Variants in ASXL3 observed in about 807,000 individuals in gnomAD.
The protein encoded by ASXL3 is putative Polycomb group protein ASXL3.
A neutral mutation model predicts 170.6 loss-of-function variants in ASXL3; 34 were observed. The observed-to-expected ratio is 0.20, with a 90% CI of 0.15 to 0.27. ASXL3 has a LOEUF of 0.27. Ranked by LOEUF, ASXL3 falls within the 10% of genes least tolerant of loss-of-function variation. The probability of loss-of-function intolerance (pLI) is 1.00; values close to 1 mark genes in which losing one functional copy is unlikely to be tolerated. For synonymous variants in ASXL3, 1,002 were observed against 989.1 expected (o/e 1.01, Z -0.24); for missense variants, 2,592 against 2,695.3 (o/e 0.96, Z 0.85).
At chr18:33,683,862 A>C (rs565553725) in intron 8 of ASXL3, among the ~76,000 whole-genome samples, 48 of 152,316 alleles carry the variant, frequency 3.2e-4, no homozygotes, top group Middle Eastern at 3.4e-3. Flanking sequence ...ATAAATCTTT[A>C]GAGTAGCTGC....
chr18:33,685,330 C>G (rs536541452), intron 8 of ASXL3, among the ~76,000 whole-genome samples: 2 of 152,316 alleles, frequency 1.3e-5, no homozygotes, highest in South Asian at 4.1e-4. Context: ...CCACCTTGTT[C>G]TCCAGTAGTC....
intron 2 of ASXL3, among the ~76,000 whole-genome samples, chr18:33,613,885 G>A (rs531397045): frequency 5.8e-4 from 88 of 152,182 alleles, no homozygotes; most frequent in Middle Eastern, 3.4e-3. Context: ...AGATGGTGCC[G>A]CTCCACTCCA....
At position 33,671,959 on chromosome 18, in the gene ASXL3, T is replaced by C. The variant is rs2066351044; in HGVS notation, c.715+93T>C. 10 of 1,272,846 alleles carry C rather than the reference T, an allele frequency of 7.9e-6. No individual in the cohort carries two copies. In the South Asian group the frequency reaches 1.8e-4, roughly 23 times the overall value. 78.8% of individuals were successfully genotyped at this position (1,272,846 alleles called of 1,614,324 possible). A position where few individuals can be genotyped will look rare whatever the true frequency, so the allele number is the denominator to read the frequency against. ...AAATTTTCAGAACATTTTTTAATGA[T>C]TAAACAAGGAAATTAAAATTTCCCT... On this transcript the variant is annotated intron_variant, in intron 7 of 11. Transcript: ENST00000269197.
At chr18:33,584,588 T>C (rs925896350) in intron 1 of ASXL3, among the ~76,000 whole-genome samples, 3 of 152,136 alleles carry the variant, frequency 2.0e-5, no homozygotes, top group African/African-American at 7.2e-5. Context: ...TGATACAATT[T>C]AATTCTGTCT....
At chr18:33,665,377 T>C (rs1474951316) in intron 5 of ASXL3, among the ~76,000 whole-genome samples, 1 of 152,214 alleles carries the variant, frequency 6.6e-6, no homozygotes, top group Non-Finnish European at 1.5e-5. Context: ...CCAAAGGTTA[T>C]ATTGCATGAT....
chr18:33,588,651 T>G (rs954429266), intron 1 of ASXL3, among the ~76,000 whole-genome samples: 4 of 152,118 alleles, frequency 2.6e-5, no homozygotes, highest in Admixed American at 6.5e-5. Context: ...AAATACACAT[T>G]CAGGAGAATC....
At chr18:33,643,558 A>C (rs1310320944) in intron 2 of ASXL3, among the ~76,000 whole-genome samples, 1 of 151,892 alleles carries the variant, frequency 6.6e-6, no homozygotes, top group Non-Finnish European at 1.5e-5. Flanking sequence ...TTCCTAAAAT[A>C]ATTGTCTTTG....
chr18:33,720,174 T>C (rs970827639), intron 8 of ASXL3, among the ~76,000 whole-genome samples: 2 of 151,984 alleles, frequency 1.3e-5, no homozygotes, highest in Non-Finnish European at 2.9e-5. Context: ...CCCATGCTAT[T>C]AAAAAAGACA....
chr18:33,659,454 T>C (rs1403834228), intron 4 of ASXL3, among the ~76,000 whole-genome samples: 1 of 152,102 alleles, frequency 6.6e-6, no homozygotes, highest in Admixed American at 6.6e-5. Flanking sequence ...AAAACATATA[T>C]GCTAATGCAC....
At chr18:33,661,200 G>C (rs2145231924) in intron 4 of ASXL3, among the ~76,000 whole-genome samples, 2 of 152,192 alleles carry the variant, frequency 1.3e-5, no homozygotes, top group Non-Finnish European at 2.9e-5. Flanking sequence ...TAATATCTGT[G>C]AGGCTGGGTA....
At chr18:33,725,468 T>C (rs1185947813) in intron 8 of ASXL3, among the ~76,000 whole-genome samples, 3 of 152,150 alleles carry the variant, frequency 2.0e-5, no homozygotes, top group Non-Finnish European at 4.4e-5. Flanking sequence ...CAGGATCTAC[T>C]TTACCTCCTC....
intron 5 of ASXL3, among the ~76,000 whole-genome samples, chr18:33,663,454 T>A (rs924038251): frequency 8.5e-5 from 13 of 152,300 alleles, no homozygotes; most frequent in Middle Eastern, 3.4e-3. Context: ...ATTTGAACAT[T>A]TTTTACGATT....
intron 4 of ASXL3, 121 bp downstream of exon 4, chr18:33,646,474 G>T: frequency 1.6e-6 from 1 of 642,474 alleles, no homozygotes. Flanking sequence ...AATTTTTACC[G>T]CTGAGATTTA....
chr18:33,632,185 T>C (rs1261220595), intron 2 of ASXL3, among the ~76,000 whole-genome samples: 1 of 152,134 alleles, frequency 6.6e-6, no homozygotes, highest in Non-Finnish European at 1.5e-5. Context: ...TATTCTGGCT[T>C]ATAAAACAAT....
intron 10 of ASXL3, among the ~76,000 whole-genome samples, chr18:33,736,564 T>A (rs913286063): frequency 3.3e-5 from 5 of 152,190 alleles, no homozygotes; most frequent in African/African-American, 1.2e-4. Context: ...GTACGCTTTT[T>A]CAAAAATGTG....
intron 4 of ASXL3, among the ~76,000 whole-genome samples, chr18:33,648,574 T>C (rs1416038135): frequency 6.6e-6 from 1 of 152,088 alleles, no homozygotes; most frequent in Non-Finnish European, 1.5e-5. Flanking sequence ...ACTGATTTTA[T>C]CTGTCTGAAA....
rs762065126 is a variant in ASXL3, at chr18:33,746,157, T to C, written c.6309T>C (p.Tyr2103=). 20 of 1,613,854 alleles carry C rather than the reference T, an allele frequency of 1.2e-5. No homozygotes were observed. The East Asian group carries it at 1.3e-4, about 11-fold the overall frequency. The stretch of plus-strand genomic sequence containing the variant: ...AACTGGGCATGAAACAAGTTTCCTA[T>C]GACCAGAATGAAATGAAAGAACAGT... ...SCELGMKQVS[Y]DQNEMKEQLK... The change falls in exon 12 of 12, where the codon TAT becomes TAC. Residue 2103 remains tyrosine (Y), a synonymous_variant. Coordinates refer to ENST00000269197, the MANE Select transcript of ASXL3 (RefSeq NM_030632.3).
intron 8 of ASXL3, among the ~76,000 whole-genome samples, chr18:33,718,269 T>C (rs527557809): frequency 1.4e-4 from 21 of 152,250 alleles, no homozygotes; most frequent in Admixed American, 7.9e-4. Flanking sequence ...ATGTATCCCA[T>C]AGACCCATAT....
At position 33,598,248 on chromosome 18, in the gene ASXL3, T is replaced by C. The variant is rs537530635; in HGVS notation, c.55-9346T>C. 2.0e-5 allele frequency among the ~76,000 whole-genome samples: 3 copies of C among 152,304 alleles called. No individual in the cohort carries two copies. The South Asian group carries it at 6.2e-4, about 32-fold the overall frequency. On this transcript the variant is annotated intron_variant, in intron 1 of 11. Transcript: ENST00000269197. ...AGAGTATCTAATCTTGATTTAATCA[T>C]ATTAGATCTTGGGAAGATTGTCTAC...
Sources: gnomAD v4.1 joint callset for allele counts (sites outside exome capture counted in the v4.1 genomes callset) on GRCh38, gnomAD v4.1.1 for gene constraint, MANE v1.5 for transcripts, NCBI Gene and HGNC (gene_info 2026-07-23, HGNC 2026-07-21) for gene names.